SLC25A27: variants seen among roughly 807,000 people sequenced by gnomAD.
SLC25A27 encodes the protein mitochondrial uncoupling protein 4.
Under a neutral mutation model 49.1 loss-of-function variants are expected in SLC25A27, and 35 were observed. That is an observed-to-expected ratio of 0.71 (90% confidence interval 0.54 to 0.95). The LOEUF (loss-of-function observed/expected upper bound fraction) is 0.95. Among genes scored for constraint, SLC25A27 ranks in the 40% least tolerant of loss-of-function variants. The probability of loss-of-function intolerance (pLI) is 0.00; values close to 1 mark genes in which losing one functional copy is unlikely to be tolerated. For synonymous variants in SLC25A27, 144 were observed against 136.9 expected (o/e 1.05, Z -0.36); for missense variants, 339 against 397.1 (o/e 0.85, Z 1.24).
At chr6:46,674,652 T>A (rs1763693812) in intron 8 of SLC25A27, among the ~76,000 whole-genome samples, 1 of 152,200 alleles carries the variant, frequency 6.6e-6, no homozygotes, top group African/African-American at 2.4e-5. Flanking sequence ...CTGATCTCAT[T>A]GACACTGATG....
chr6:46,666,955 T>C (rs1763345388), intron 5 of SLC25A27, among the ~76,000 whole-genome samples: 1 of 152,140 alleles, frequency 6.6e-6, no homozygotes, highest in South Asian at 2.1e-4. Flanking sequence ...TACACTTTTC[T>C]CCATTCCTGG....
chr6:46,670,146 G>T lies in SLC25A27; in HGVS notation c.716G>T (p.Gly239Val). The T allele has an allele frequency of 1.2e-6, 2 of 1,609,486 alleles. No homozygotes were observed. Among genetic ancestry groups the T allele is most frequent in the Non-Finnish European group, 1.7e-6 (2 of 1,177,054 alleles). Residue 239 changes from glycine (G) to valine (V), a missense_variant, in exon 7 of 9, where the codon GGA becomes GTA. Gly to Val is a moderately radical substitution (Grantham distance 109). Transcript: ENST00000371347. ...ATTTGTATTTATAGTTTATGTTCTG[G>T]ACTGGTAGCTTCTATTCTGGGAACA... ...MTHGLSSLCS[G>V]LVASILGTPA...
intron 3 of SLC25A27, among the ~76,000 whole-genome samples, chr6:46,661,205 G>T (rs1304259835): frequency 6.6e-6 from 1 of 152,030 alleles, no homozygotes; most frequent in Non-Finnish European, 1.5e-5. Context: ...ATTGTGTGGA[G>T]AAACAGGTAT....
intron 2 of SLC25A27, among the ~76,000 whole-genome samples, chr6:46,657,531 G>A (rs1389037418): frequency 2.6e-5 from 4 of 152,044 alleles, no homozygotes; most frequent in Non-Finnish European, 5.9e-5. Flanking sequence ...AAAAATGTTA[G>A]CAGTTAATAA....
At chr6:46,661,569 T>C (rs889768945) in intron 3 of SLC25A27, among the ~76,000 whole-genome samples, 1 of 152,232 alleles carries the variant, frequency 6.6e-6, no homozygotes, top group Admixed American at 6.5e-5. Context: ...TTTATACAGA[T>C]ATGCTTGTGT....
rs144889405 is a variant in SLC25A27, at chr6:46,663,021, T to C, written c.506+523T>C. Reference sequence around the variant, plus strand: ...ATATTGTCCCAACTTTCTTGTTGAATCTCATTCCTCCTTCATCTTGAAGCC... The same window carrying C: ...ATATTGTCCCAACTTTCTTGTTGAACCTCATTCCTCCTTCATCTTGAAGCC... On this transcript the variant is annotated intron_variant, in intron 4 of 8. Coordinates refer to ENST00000371347, the MANE Select transcript of SLC25A27 (RefSeq NM_004277.5). 7.2e-5 allele frequency among the ~76,000 whole-genome samples: 11 copies of C among 152,344 alleles called. No homozygotes were observed. The East Asian group carries it at 1.3e-3, about 19-fold the overall frequency.
chr6:46,673,792 C>G (rs1361869862), intron 8 of SLC25A27, among the ~76,000 whole-genome samples: 1 of 152,030 alleles, frequency 6.6e-6, no homozygotes, highest in Admixed American at 6.6e-5. Context: ...TGCTTAAGCC[C>G]GGGAACAATG....
At chr6:46,662,164 T>C (rs1329151508) in intron 3 of SLC25A27, among the ~76,000 whole-genome samples, 1 of 152,136 alleles carries the variant, frequency 6.6e-6, no homozygotes, top group Non-Finnish European at 1.5e-5. Context: ...TCAGGCCATA[T>C]AAGGCCTGAA....
chr6:46,664,951 T>A (rs550366597), intron 5 of SLC25A27, 65 bp downstream of exon 5: 1 of 700,170 alleles, frequency 1.4e-6, no homozygotes, highest in East Asian at 2.9e-5. Context: ...GCACTTATAT[T>A]AGGGAAATTA....
chr6:46,664,730 C>T lies in SLC25A27; in HGVS notation c.507-44C>T, dbSNP rs777697643. The T allele has an allele frequency of 2.7e-6, 3 of 1,092,558 alleles. No individual in the cohort carries two copies. The East Asian group carries it at 7.4e-5, about 27-fold the overall frequency. The allele number at this position is 1,092,558 out of a possible 1,614,324, so 67.7% of individuals were successfully genotyped here. Reference sequence around the variant, plus strand: ...AGCTTATCCAGTTGAATTTCATACACAGGAATACATGGAGTTTTCACATTT... The same window carrying T: ...AGCTTATCCAGTTGAATTTCATACATAGGAATACATGGAGTTTTCACATTT... On this transcript the variant is annotated intron_variant, in intron 4 of 8. Transcript: ENST00000371347.
intron 3 of SLC25A27, 104 bp from the exon 4 acceptor site, chr6:46,662,272 G>A (rs1379490864): frequency 2.1e-6 from 2 of 966,512 alleles, no homozygotes; most frequent in East Asian, 2.5e-5. Context: ...TTCTTTACTT[G>A]ATCTGAAATC....
At position 46,667,398 on chromosome 6, in the gene SLC25A27, G is replaced by A. The variant is rs6935437; in HGVS notation, c.620-1311G>A. 3.0e-3 allele frequency among the ~76,000 whole-genome samples: 450 copies of A among 152,220 alleles called. 2 individuals carry two copies. The highest frequency in any genetic ancestry group is 0.01 in the African/African-American group (431 of 41,542). Reference sequence around the variant, plus strand: ...AATAGGAACTATTGAGTTCTATTAAGTTCCAGTAAGAACTCGATAGTTCTA... The same window carrying A: ...AATAGGAACTATTGAGTTCTATTAAATTCCAGTAAGAACTCGATAGTTCTA... On this transcript the variant is annotated intron_variant, in intron 5 of 8. Coordinates refer to ENST00000371347, the MANE Select transcript of SLC25A27 (RefSeq NM_004277.5).
chr6:46,660,565 TA>T (rs1763131870), intron 3 of SLC25A27, among the ~76,000 whole-genome samples: 1 of 152,210 alleles, frequency 6.6e-6, no homozygotes, highest in African/African-American at 2.4e-5. Flanking sequence ...GATAGAAAAT[TA>T]TTTTTTTAAT....
Position 46,662,468 on chromosome 6 carries a change from G to T in SLC25A27, c.476G>T (p.Gly159Val), listed in dbSNP as rs374823328. The change falls in exon 4 of 9, where the codon GGA becomes GTA. Residue 159 changes from glycine (G) to valine (V), a missense_variant. Gly to Val is a moderately radical substitution (Grantham distance 109). Transcript: ENST00000371347. ...DLVKVQMQME[G>V]KRKLEGKPLR... ...GTGAAGGTTCAGATGCAAATGGAAGGAAAAAGGAAACTGGAAGGAAAACCA... is the reference window on the plus strand; with the variant it reads ...GTGAAGGTTCAGATGCAAATGGAAGTAAAAAGGAAACTGGAAGGAAAACCA... 1 of 1,613,688 alleles carries T rather than the reference G, an allele frequency of 6.2e-7. No individual in the cohort carries two copies. The highest frequency in any genetic ancestry group is 8.5e-7 in the Non-Finnish European group (1 of 1,179,874).
chr6:46,653,120 G>A lies in SLC25A27; in HGVS notation c.-73G>A, dbSNP rs2150625350. 7 of 1,434,662 alleles carry A rather than the reference G, an allele frequency of 4.9e-6. No individual in the cohort carries two copies. 88.9% of individuals were successfully genotyped at this position (1,434,662 alleles called of 1,614,324 possible). Reference sequence around the variant, plus strand: ...CGGTTGAAAAGGGGCCGCCCTGGCAGGGAAGCGGCCGCCGCGGCGCGGTGC... The same window carrying A: ...CGGTTGAAAAGGGGCCGCCCTGGCAAGGAAGCGGCCGCCGCGGCGCGGTGC... On this transcript the variant is annotated 5_prime_UTR_variant, in exon 1 of 9. Transcript: ENST00000371347.
chr6:46,658,921 A>G (rs1242067917), intron 2 of SLC25A27, 41 bp from the exon 3 acceptor site: 17 of 1,351,906 alleles, frequency 1.3e-5, no homozygotes, highest in Non-Finnish European at 1.8e-5. Context: ...ATATAGATAC[A>G]TATAGCCAAA....
intron 8 of SLC25A27, among the ~76,000 whole-genome samples, chr6:46,674,994 T>C (rs993249933): frequency 6.6e-6 from 1 of 152,228 alleles, no homozygotes; most frequent in African/African-American, 2.4e-5. Context: ...GCAATGCTCA[T>C]AGCTGTATCA....
chr6:46,655,618 G>A (rs1762954093), intron 1 of SLC25A27, among the ~76,000 whole-genome samples: 1 of 130,794 alleles, frequency 7.6e-6, no homozygotes, highest in Non-Finnish European at 1.6e-5. Context: ...TTAAATTTGG[G>A]ACTGTGTGAG....
At chr6:46,657,331 C>T (rs149939629) in intron 2 of SLC25A27, among the ~76,000 whole-genome samples, 260 of 152,124 alleles carry the variant, frequency 1.7e-3, no homozygotes, top group African/African-American at 5.8e-3. Context: ...GGCCTAGTGG[C>T]GCATTCCTGT....
Sources: gnomAD v4.1 joint callset for allele counts (sites outside exome capture counted in the v4.1 genomes callset) on GRCh38, gnomAD v4.1.1 for gene constraint, MANE v1.5 for transcripts, NCBI Gene and HGNC (gene_info 2026-07-23, HGNC 2026-07-21) for gene names.